NRXN3: variants seen among roughly 807,000 people sequenced by gnomAD.
NRXN3 encodes the protein neurexin III.
A neutral mutation model predicts 137.6 loss-of-function variants in NRXN3; 32 were observed. The ratio of observed to expected loss-of-function variants is 0.23; its 90% CI spans 0.18 to 0.31. The LOEUF is 0.31. Ranked by LOEUF, NRXN3 falls within the 10% of genes least tolerant of loss-of-function variation. NRXN3 has a pLI of 1.00. For missense variants in NRXN3, 1,574 were observed against 2,062.5 expected (o/e 0.76, Z 4.59); for synonymous variants, 798 against 784.5 (o/e 1.02, Z -0.29).
chr14:79,419,675 T>C (rs1273048096), intron 15 of NRXN3, among the ~76,000 whole-genome samples: 3 of 152,024 alleles, frequency 2.0e-5, no homozygotes, highest in African/African-American at 7.2e-5. Context: ...GTGAGGCATG[T>C]CCAGTATGGT....
At chr14:79,516,674 G>T (rs2096988110) in intron 16 of NRXN3, among the ~76,000 whole-genome samples, 1 of 152,082 alleles carries the variant, frequency 6.6e-6, no homozygotes, top group Non-Finnish European at 1.5e-5. Flanking sequence ...TGTGATTCTA[G>T]AGTTTTCTGA....
intron 10 of NRXN3, among the ~76,000 whole-genome samples, chr14:78,942,013 T>A (rs1015648825): frequency 6.6e-6 from 1 of 152,124 alleles, no homozygotes; most frequent in African/African-American, 2.4e-5. Context: ...AACTGTGAGA[T>A]TGTGTGCTAG....
chr14:78,653,744 T>C (rs1203765830), intron 6 of NRXN3, among the ~76,000 whole-genome samples: 1 of 95,426 alleles, frequency 1.0e-5, no homozygotes, highest in African/African-American at 5.0e-5. Flanking sequence ...CACACACACA[T>C]TTTTGCTGCC....
chr14:79,280,566 A>T (rs2081113225), intron 15 of NRXN3: 3 of 1,595,212 alleles, frequency 1.9e-6, no homozygotes, highest in Non-Finnish European at 2.6e-6. Context: ...TTATCCTTTT[A>T]ATGGGGCATA....
intron 15 of NRXN3, among the ~76,000 whole-genome samples, chr14:79,292,379 C>T (rs75164077): frequency 0.014 from 2,076 of 152,246 alleles, 34 homozygotes; most frequent in South Asian, 0.078. Flanking sequence ...TCTAAGAATC[C>T]GTTTTTTTCA....
intron 15 of NRXN3, among the ~76,000 whole-genome samples, chr14:79,425,122 G>T (rs1283703124): frequency 1.3e-5 from 2 of 152,138 alleles, no homozygotes; most frequent in African/African-American, 2.4e-5. Flanking sequence ...AGTCCAAGTT[G>T]CTGGCCCTTT....
At chr14:78,749,607 T>A (rs2098631292) in intron 8 of NRXN3, among the ~76,000 whole-genome samples, 1 of 152,162 alleles carries the variant, frequency 6.6e-6, no homozygotes, top group Non-Finnish European at 1.5e-5. Flanking sequence ...ATTAGAGCCA[T>A]CGGTTTATTT....
chr14:79,119,240 G>A (rs919031504), intron 15 of NRXN3, among the ~76,000 whole-genome samples: 2 of 152,078 alleles, frequency 1.3e-5, no homozygotes, highest in East Asian at 3.9e-4. Flanking sequence ...ATATCTCTAT[G>A]TGTTTTTGTA....
chr14:78,706,159 A>G lies in NRXN3; in HGVS notation c.1222-3058A>G, dbSNP rs530608685. ...CCTTTGGGATGACCTATTGTTATAC[A>G]TTAATAATTAACCTTTACTAGGAAC... On this transcript the variant is annotated intron_variant, in intron 6 of 20. Coordinates refer to ENST00000335750, the MANE Select transcript of NRXN3 (RefSeq NM_001330195.2). Among the ~76,000 whole-genome samples, 27 of 152,278 alleles carry G rather than the reference A, an allele frequency of 1.8e-4. No individual in the cohort carries two copies. The Middle Eastern group carries it at 0.01, about 58-fold the overall frequency.
chr14:79,146,999 C>G (rs2059358991), intron 15 of NRXN3, among the ~76,000 whole-genome samples: 1 of 151,818 alleles, frequency 6.6e-6, no homozygotes, highest in Non-Finnish European at 1.5e-5. Flanking sequence ...AGCAGAGTCT[C>G]TTCTATCAGG....
intron 10 of NRXN3, among the ~76,000 whole-genome samples, chr14:78,878,989 A>G (rs1011055588): frequency 6.6e-6 from 1 of 152,132 alleles, no homozygotes; most frequent in Non-Finnish European, 1.5e-5. Flanking sequence ...TTTACTTAAC[A>G]TAATATCCTC....
At chr14:79,231,331 G>A (rs1242146896) in intron 15 of NRXN3, among the ~76,000 whole-genome samples, 1 of 152,156 alleles carries the variant, frequency 6.6e-6, no homozygotes, top group African/African-American at 2.4e-5. Flanking sequence ...CAAAGGCTGA[G>A]ATAGCATTTA....
intron 15 of NRXN3, among the ~76,000 whole-genome samples, chr14:79,084,029 C>G (rs749186427): frequency 1.3e-5 from 2 of 152,172 alleles, no homozygotes; most frequent in Non-Finnish European, 2.9e-5. Flanking sequence ...CCCACCTCAG[C>G]CTCCTGAGTA....
chr14:78,339,249 C>G lies in NRXN3; in HGVS notation c.757+41389C>G, dbSNP rs117044019. ...TTTTAAATATATTTTCGCATGGGAG[C>G]AGGCATTATTTTTTCATTTTAACTG... On this transcript the variant is annotated intron_variant, in intron 4 of 20. Coordinates refer to ENST00000335750, the MANE Select transcript of NRXN3 (RefSeq NM_001330195.2). 5.3e-3 allele frequency among the ~76,000 whole-genome samples: 808 copies of G among 152,286 alleles called. 33 individuals are homozygous for G. The East Asian group carries it at 0.089, about 17-fold the overall frequency.
At chr14:78,350,212 C>T (rs533261046) in intron 4 of NRXN3, among the ~76,000 whole-genome samples, 39 of 152,006 alleles carry the variant, frequency 2.6e-4, no homozygotes, top group African/African-American at 9.4e-4. Flanking sequence ...TTGCTTGAAC[C>T]AGGGAGGCGG....
At chr14:79,041,925 G>A (rs528452724) in intron 15 of NRXN3, among the ~76,000 whole-genome samples, 3 of 152,268 alleles carry the variant, frequency 2.0e-5, no homozygotes, top group African/African-American at 7.2e-5. Flanking sequence ...AATAGGAGGG[G>A]AGGGAATGTT....
chr14:79,045,523 C>A (rs1568099916), intron 15 of NRXN3, among the ~76,000 whole-genome samples: 1 of 152,154 alleles, frequency 6.6e-6, no homozygotes, highest in Admixed American at 6.5e-5. Flanking sequence ...TTTCCCTAAA[C>A]CACCTAGAAC....
chr14:78,308,646 C>A (rs1256950889), intron 4 of NRXN3, among the ~76,000 whole-genome samples: 1 of 151,976 alleles, frequency 6.6e-6, no homozygotes, highest in African/African-American at 2.4e-5. Context: ...GACTATGCCT[C>A]GCAAATGCCT....
chr14:79,681,554 C>A (rs188478196), intron 17 of NRXN3, among the ~76,000 whole-genome samples: 9 of 152,138 alleles, frequency 5.9e-5, no homozygotes, highest in Middle Eastern at 6.8e-3. Flanking sequence ...AGGCAGCAGG[C>A]AAGGGCAAGC....
Sources: allele counts gnomAD v4.1 joint callset (sites outside exome capture counted in the v4.1 genomes callset), GRCh38; gene constraint gnomAD v4.1.1; transcripts MANE v1.5; gene names NCBI Gene and HGNC (gene_info 2026-07-23, HGNC 2026-07-21).